The following CDRT15 variants were observed in gnomAD, a reference collection of about 807,000 sequenced individuals.
CDRT15 encodes the protein CMT1A duplicated region transcript 15.
In CDRT15, 9 loss-of-function variants were observed where a neutral mutation model predicts 14.9. That is an observed-to-expected ratio of 0.60 (90% CI 0.36 to 1.06). The LOEUF (loss-of-function observed/expected upper bound fraction) is 1.06, where lower values mean the gene tolerates loss of function less well. CDRT15 is among the 50% of genes least tolerant of loss of function. CDRT15 has a pLI of 0.01. For missense variants in CDRT15, 117 were observed against 235.3 expected, an observed-to-expected ratio of 0.50 and a Z score of 3.29; for synonymous variants, 50 against 96.6, an observed-to-expected ratio of 0.52 and a Z score of 2.83.
chr17:14,236,308 T>C lies in CDRT15; in HGVS notation c.385A>G (p.Thr129Ala). Residue 129 changes from threonine (T) to alanine (A), a missense_variant, in exon 2 of 3, where the codon ACC (threonine) becomes GCC (alanine). Thr to Ala is a moderately conservative substitution (Grantham distance 58). Coordinates refer to ENST00000420162, the MANE Select transcript of CDRT15 (RefSeq NM_001007530.3). The part of the protein sequence containing the change: ...ELEGAPAKDQ[T>A]NEELPEITEV... ...GTGATTTCAGGCAGCTCCTCGTTGG[T>C]CTGGTCCTTGGCTGGAGCTCCCTCC... 1.2e-6 allele frequency: 2 copies of C among 1,612,480 alleles called. No homozygotes were observed. The highest frequency in any genetic ancestry group is 8.5e-7 in the Non-Finnish European group (1 of 1,179,712).
rs1162991535 is a variant in CDRT15, at chr17:14,236,803, C to T, written c.31G>A (p.Gly11Ser). 3.1e-6 allele frequency: 5 copies of T among 1,611,460 alleles called. No homozygotes were observed. The highest frequency in any genetic ancestry group is 2.2e-5 in the East Asian group (1 of 44,890). Residue 11 changes from glycine (G) to serine (S), a missense_variant, in exon 1 of 3, where the codon GGT becomes AGT. Physicochemically the swap from Gly to Ser is moderately conservative, Grantham distance 56. Transcript: ENST00000420162. MFSCCFPTSR[G>S]CCFRNGGSES... ...CTCCCTCCATTCCTGAAGCAGCAACCTCTCGAAGTGGGGAAGCAACACGAG... is the reference window on the plus strand; with the variant it reads ...CTCCCTCCATTCCTGAAGCAGCAACTTCTCGAAGTGGGGAAGCAACACGAG...
rs781555810 is a variant in CDRT15 at position 14,236,346 on chromosome 17, C to G, written c.347G>C (p.Arg116Thr). 11 of 1,611,654 alleles carry G rather than the reference C, an allele frequency of 6.8e-6. No homozygotes were observed. Among genetic ancestry groups the G allele is most frequent in the Admixed American group, 1.7e-5 (1 of 59,764 alleles). The change falls in exon 2 of 3, where the codon AGA becomes ACA. Residue 116 changes from arginine to threonine, a missense_variant. This residue lies in a region of CDRT15 where 61 missense variants were observed against 138.2 expected (regional missense o/e 0.44). Coordinates refer to ENST00000420162, the MANE Select transcript of CDRT15 (RefSeq NM_001007530.3). Reference protein sequence around the residue: ...EPAWEEAPPERALELEGAPAK... With the variant: ...EPAWEEAPPETALELEGAPAK... Reference sequence around the variant, plus strand: ...TGGAGCTCCCTCCAGCTCCAGTGCTCTCTCTGGAGGGGCCTCTTCCCATGC... The same window carrying G: ...TGGAGCTCCCTCCAGCTCCAGTGCTGTCTCTGGAGGGGCCTCTTCCCATGC...
rs1907412042 is a variant in CDRT15, at chr17:14,236,730, C to T, written c.104G>A (p.Arg35Lys). The change falls in exon 1 of 3, where the codon AGA becomes AAA. Residue 35 changes from arginine to lysine, a missense_variant. Around this residue, in one of 3 missense-constraint regions of CDRT15, gnomAD observed 50 missense variants for 48.8 expected, o/e 1.03. Transcript: ENST00000420162. ...RCRRRLIPHPRRLSPVVIRRI... is the reference protein window; with the variant it reads ...RCRRRLIPHPKRLSPVVIRRI... ...CCTTATTACAACGGGCGACAGGCGT[C>T]TGGGGTGAGGGATGAGCCTTCTTCG... 6.2e-7 allele frequency: 1 copy of T among 1,611,982 alleles called. No homozygotes were observed. Among genetic ancestry groups the T allele is most frequent in the African/African-American group, 1.3e-5 (1 of 74,828 alleles).
chr17:14,236,088 A>C lies in CDRT15; in HGVS notation c.412-77T>G, dbSNP rs986687523. On this transcript the variant is annotated intron_variant, in intron 2 of 2. Coordinates refer to ENST00000420162, the MANE Select transcript of CDRT15 (RefSeq NM_001007530.3). ...GACTGTGGTTCTAGTGAATGAGAGA[A>C]GCCTCTCTCCAGCGAGGTACAGGAG... 2.8e-5 allele frequency: 43 copies of C among 1,513,138 alleles called. 1 individual carries two copies. The highest frequency in any genetic ancestry group is 3.7e-5 in the Non-Finnish European group (41 of 1,107,382). The allele number at this position is 1,513,138 out of a possible 1,614,324, so 93.7% of individuals were successfully genotyped here. A position where few individuals can be genotyped will look rare whatever the true frequency, so the allele number is the denominator to read the frequency against.
At position 14,236,862 on chromosome 17, in the gene CDRT15, T is replaced by G. The variant is rs1394065338; in HGVS notation, c.-29A>C. The G allele has an allele frequency of 2.5e-6, 4 of 1,588,382 alleles. No individual in the cohort carries two copies. The highest frequency in any genetic ancestry group is 3.4e-6 in the Non-Finnish European group (4 of 1,168,024). On this transcript the variant is annotated 5_prime_UTR_variant, in exon 1 of 3. Coordinates refer to ENST00000420162, the MANE Select transcript of CDRT15 (RefSeq NM_001007530.3). ...GCTCTCTTGAGCGACTCCCACCAAGTGAGCTGTTTACGGCGCTGACTCTAG... is the reference window on the plus strand; with the variant it reads ...GCTCTCTTGAGCGACTCCCACCAAGGGAGCTGTTTACGGCGCTGACTCTAG...
Position 14,236,302 on chromosome 17 carries a change from CGTT to C in CDRT15, c.388_390del (p.Asn130del), listed in dbSNP as rs1567620862. On this transcript the variant is annotated inframe_deletion, in exon 2 of 3. Coordinates refer to ENST00000420162, the MANE Select transcript of CDRT15 (RefSeq NM_001007530.3). The stretch of plus-strand genomic sequence containing the variant: ...CGTGCCGTGATTTCAGGCAGCTCCT[CGTT>C]GGTCTGGTCCTTGGCTGGAGCTCCC... 1.2e-6 allele frequency: 2 copies of C among 1,612,344 alleles called. No homozygotes were observed. Among genetic ancestry groups the C allele is most frequent in the African/African-American group, 2.7e-5 (2 of 74,900 alleles).
In CDRT15 at chr17:14,236,278, G is replaced by C; in HGVS notation, c.411+4C>G. On this transcript the variant is annotated splice_donor_region_variant and intron_variant, in intron 2 of 2. Coordinates refer to ENST00000420162, the MANE Select transcript of CDRT15 (RefSeq NM_001007530.3). Reference sequence around the variant, plus strand: ...GGGTTAGGGCTAGTGGCTACAGTACGTGCCGTGATTTCAGGCAGCTCCTCG... The same window carrying C: ...GGGTTAGGGCTAGTGGCTACAGTACCTGCCGTGATTTCAGGCAGCTCCTCG... 1.2e-6 allele frequency: 2 copies of C among 1,611,800 alleles called. No individual in the cohort carries two copies. Among genetic ancestry groups the C allele is most frequent in the Non-Finnish European group, 1.7e-6 (2 of 1,179,456 alleles).
Position 14,236,283 on chromosome 17 carries a change from G to A in CDRT15, c.410C>T (p.Thr137Met), listed in dbSNP as rs137905608. 2.1e-5 allele frequency: 34 copies of A among 1,611,988 alleles called. No individual in the cohort carries two copies. Among genetic ancestry groups the A allele is most frequent in the African/African-American group, 4.0e-5 (3 of 75,002 alleles). ...DQTNEELPEI[T>M]EVPESIKRRL... The stretch of plus-strand genomic sequence containing the variant: ...AGGGCTAGTGGCTACAGTACGTGCC[G>A]TGATTTCAGGCAGCTCCTCGTTGGT... The change falls in exon 2 of 3, where the codon ACG becomes ATG. Residue 137 changes from threonine (T) to methionine (M), a missense_variant and splice_region_variant. By Grantham distance (81) the Thr-to-Met change is moderately conservative. Around this residue, in one of 3 missense-constraint regions of CDRT15, gnomAD observed 61 missense variants for 138.2 expected, o/e 0.44. Transcript: ENST00000420162.
chr17:14,236,172 G>T lies in CDRT15; in HGVS notation c.411+110C>A, dbSNP rs1907378979. 7.8e-6 allele frequency: 12 copies of T among 1,541,484 alleles called. No homozygotes were observed. The South Asian group carries it at 1.0e-4, about 13-fold the overall frequency. On this transcript the variant is annotated intron_variant, in intron 2 of 2. Coordinates refer to ENST00000420162, the MANE Select transcript of CDRT15 (RefSeq NM_001007530.3). ...TTTGCCACCGTGCCCAGGACTAGGG[G>T]CAGCATGGGAGCTGCTGGCTGGGGC...
chr17:14,236,169 G>A (rs1224157291), intron 2 of CDRT15, 113 bp downstream of exon 2: 3 of 1,532,036 alleles, frequency 2.0e-6, no homozygotes, highest in East Asian at 2.2e-5. Context: ...CCCAGGACTA[G>A]GGGCAGCATG....
rs573049999 is a variant in CDRT15, at chr17:14,235,910, G to T, written c.513C>A (p.His171Gln). Residue 171 changes from histidine (H) to glutamine (Q), a missense_variant, in exon 3 of 3, where the codon CAC becomes CAA. His to Gln is a conservative substitution (Grantham distance 24). Coordinates refer to ENST00000420162, the MANE Select transcript of CDRT15 (RefSeq NM_001007530.3). ...NLLLQAWMRV[H>Q]SWASRLFAPN... ...GGGCAAACAGCCTGGATGCCCAGCT[G>T]TGGACCCGCATCCATGCCTGGAGGA... The T allele has an allele frequency of 5.1e-6, 8 of 1,583,276 alleles. No individual in the cohort carries two copies. The Admixed American group carries it at 1.5e-4, about 29-fold the overall frequency.
Position 14,236,047 on chromosome 17 carries a change from G to A in CDRT15, c.412-36C>T, listed in dbSNP as rs150071827. The A allele has an allele frequency of 2.0e-3, 3,130 of 1,600,508 alleles. 6 individuals carry two copies. The Admixed American group carries it at 0.042, about 21-fold the overall frequency. On this transcript the variant is annotated intron_variant, in intron 2 of 2. Transcript: ENST00000420162. ...ATAAACCAGGATCAGGAGAATAAAC[G>A]GACCTGCAGCAGCAGGACTGTGGTT... is the stretch of plus-strand genomic sequence containing the variant.
chr17:14,236,060 C>T (rs1907373114), intron 2 of CDRT15, 49 bp from the exon 3 acceptor site: 1 of 1,590,558 alleles, frequency 6.3e-7, no homozygotes, highest in Non-Finnish European at 8.6e-7. Context: ...CCTGCAGCAG[C>T]AGGACTGTGG....
rs748958983 is a variant in CDRT15 at position 14,235,969 on chromosome 17, G to A, written c.454C>T (p.Pro152Ser). The A allele has an allele frequency of 6.2e-7, 1 of 1,610,054 alleles. No individual in the cohort carries two copies. Among genetic ancestry groups the A allele is most frequent in the East Asian group, 2.2e-5 (1 of 44,826 alleles). The change falls in exon 3 of 3, where the codon CCA (proline) becomes TCA (serine). Residue 152 changes from proline to serine, a missense_variant. Transcript: ENST00000420162. ...CCTCTGGGAGCAGGCGTAGCTGCTG[G>A]AACTCTTCTTCCCAGCCTTCTTTTA... Reference protein sequence around the residue: ...SIKRRLGRRVPAATPAPRGNL... With the variant: ...SIKRRLGRRVSAATPAPRGNL...
Position 14,236,716 on chromosome 17 carries a change from C to T in CDRT15, c.118G>A (p.Val40Ile), listed in dbSNP as rs767030980. ...GGTACCTGGATGCGCCTTATTACAA[C>T]GGGCGACAGGCGTCTGGGGTGAGGG... ...LIPHPRRLSPVVIRRIQVPQD... is the reference protein window; with the variant it reads ...LIPHPRRLSPIVIRRIQVPQD... Residue 40 changes from valine (V) to isoleucine (I), a missense_variant, in exon 1 of 3, where the codon GTT (valine) becomes ATT (isoleucine). Coordinates refer to ENST00000420162, the MANE Select transcript of CDRT15 (RefSeq NM_001007530.3). 3.5e-5 allele frequency: 56 copies of T among 1,612,004 alleles called. No individual in the cohort carries two copies. The East Asian group carries it at 4.0e-4, about 12-fold the overall frequency.
rs201612801 is a variant in CDRT15, at chr17:14,236,400, A to C, written c.293T>G (p.Leu98Arg). ...CTCTGGCTCCGCCGCTGGTGCTGGCAGTGCTCTTACTTCTGCACATGGACC... is the reference window on the plus strand; with the variant it reads ...CTCTGGCTCCGCCGCTGGTGCTGGCCGTGCTCTTACTTCTGCACATGGACC... The part of the protein sequence containing the change: ...APGPCAEVRA[L>R]PAPAAEPEPA... The change falls in exon 2 of 3, where the codon CTG becomes CGG. Residue 98 changes from leucine to arginine, a missense_variant. By Grantham distance (102) the Leu-to-Arg change is moderately radical. This residue lies in a region of CDRT15 where 61 missense variants were observed against 138.2 expected (regional missense o/e 0.44). Transcript: ENST00000420162. 3 of 1,608,714 alleles carry C rather than the reference A, an allele frequency of 1.9e-6. No homozygotes were observed. Among genetic ancestry groups the C allele is most frequent in the South Asian group, 1.1e-5 (1 of 90,558 alleles).
In CDRT15 at chr17:14,236,220, C is replaced by G. The variant is rs1188550738; in HGVS notation, c.411+62G>C. 6 of 1,594,820 alleles carry G rather than the reference C, an allele frequency of 3.8e-6. No individual in the cohort carries two copies. In the African/African-American group the frequency reaches 8.1e-5, roughly 21 times the overall value. ...GGCTGTGCTGGTCACCCCCTCCCTC[C>G]CACTTCTCTCTCCAGCCACGCTTTC... is the stretch of plus-strand genomic sequence containing the variant. On this transcript the variant is annotated intron_variant, in intron 2 of 2. Coordinates refer to ENST00000420162, the MANE Select transcript of CDRT15 (RefSeq NM_001007530.3).
chr17:14,236,493 A>G, intron 1 of CDRT15, 63 bp from the exon 2 acceptor site: 1 of 1,545,574 alleles, frequency 6.5e-7, no homozygotes, highest in Non-Finnish European at 8.7e-7. Flanking sequence ...AAACACAGAA[A>G]CGACCTCACT....
rs1302515595 is a variant in CDRT15, at chr17:14,236,857, C to T, written c.-24G>A. Reference sequence around the variant, plus strand: ...ATCTTGCTCTCTTGAGCGACTCCCACCAAGTGAGCTGTTTACGGCGCTGAC... The same window carrying T: ...ATCTTGCTCTCTTGAGCGACTCCCATCAAGTGAGCTGTTTACGGCGCTGAC... On this transcript the variant is annotated 5_prime_UTR_variant, in exon 1 of 3. It adds an upstream start codon to the 5' untranslated region. Transcript: ENST00000420162. 2.5e-6 allele frequency: 4 copies of T among 1,592,008 alleles called. No homozygotes were observed. The African/African-American group carries it at 5.4e-5, about 21-fold the overall frequency.
Sources: allele counts gnomAD v4.1 joint callset, GRCh38; gene constraint gnomAD v4.1.1; regional missense constraint gnomAD v4.1.1; transcripts MANE v1.5; gene names NCBI Gene and HGNC (gene_info 2026-07-23, HGNC 2026-07-21).